The following STK17A variants were observed in gnomAD, a reference collection of about 807,000 sequenced individuals.
The protein encoded by STK17A is serine/threonine kinase 17a, also known as serine/threonine-protein kinase 17A.
Under a neutral mutation model 43.7 loss-of-function variants are expected in STK17A, and 26 were observed. That is an observed-to-expected ratio of 0.60 (90% CI 0.44 to 0.83). STK17A has a LOEUF of 0.83. Among genes scored for constraint, STK17A ranks in the 40% least tolerant of loss-of-function variants. The pLI, the probability that STK17A is intolerant of heterozygous loss-of-function variation, is 0.00. For missense variants in STK17A, 476 were observed against 511.6 expected (o/e 0.93, Z 0.67); for synonymous variants, 191 against 182.5 (o/e 1.05, Z -0.38).
rs760082914 is a variant in STK17A at position 43,608,237 on chromosome 7, T to A, written c.420-19T>A. The A allele has an allele frequency of 1.5e-5, 24 of 1,599,010 alleles. No homozygotes were observed. In the East Asian group the frequency reaches 5.1e-4, roughly 34 times the overall value. The stretch of plus-strand genomic sequence containing the variant: ...ATTTCTTATGAGTTATATATTACTT[T>A]AATTTTGCCCTTCTCTAGTGCTGCT... On this transcript the variant is annotated intron_variant, in intron 2 of 6. Transcript: ENST00000319357.
chr7:43,618,794 T>C (rs1353157423), intron 3 of STK17A, among the ~76,000 whole-genome samples: 1 of 152,140 alleles, frequency 6.6e-6, no homozygotes, highest in African/African-American at 2.4e-5. Flanking sequence ...TTACTGTACA[T>C]GTCCTCACCC....
At position 43,583,127 on chromosome 7, in the gene STK17A, G is replaced by T; in HGVS notation, c.-117G>T. Reference sequence around the variant, plus strand: ...CCTGCCGCAGTCCGAGCGCCGCGCTGGGGAGAGCGGGTGTTTGAAGGCTCC... The same window carrying T: ...CCTGCCGCAGTCCGAGCGCCGCGCTTGGGAGAGCGGGTGTTTGAAGGCTCC... On this transcript the variant is annotated 5_prime_UTR_variant, in exon 1 of 7. Coordinates refer to ENST00000319357, the MANE Select transcript of STK17A (RefSeq NM_004760.3). 9.0e-7 allele frequency: 1 copy of T among 1,117,114 alleles called. No individual in the cohort carries two copies. The highest frequency in any genetic ancestry group is 2.6e-4 in the Middle Eastern group (1 of 3,778). The allele number at this position is 1,117,114 out of a possible 1,614,324, so 69.2% of individuals were successfully genotyped here. A position where few individuals can be genotyped will look rare whatever the true frequency, so the allele number is the denominator to read the frequency against.
At chr7:43,611,982 A>C (rs1408936412) in intron 3 of STK17A, among the ~76,000 whole-genome samples, 1 of 152,214 alleles carries the variant, frequency 6.6e-6, no homozygotes, top group African/African-American at 2.4e-5. Flanking sequence ...TGAGAGCATC[A>C]AAGGTGAATA....
At chr7:43,624,322 CATTTTCACAAA>C (rs1472214968) in intron 6 of STK17A, among the ~76,000 whole-genome samples, 185 bp from the exon 7 acceptor site, 2 of 152,154 alleles carry the variant, frequency 1.3e-5, no homozygotes, top group Non-Finnish European at 2.9e-5. Context: ...AATATTTCAA[CATTTTCACAAA>C]ATTTTCAGCA....
chr7:43,623,922 T>A, intron 6 of STK17A, 34 bp downstream of exon 6: 1 of 1,322,814 alleles, frequency 7.6e-7, no homozygotes, highest in Non-Finnish European at 9.7e-7. Context: ...AATATTGAAC[T>A]AATTCAATAT....
chr7:43,617,621 T>G (rs1439483125), intron 3 of STK17A, among the ~76,000 whole-genome samples: 2 of 152,166 alleles, frequency 1.3e-5, no homozygotes, highest in African/African-American at 2.4e-5. Context: ...AGTCTGTTTT[T>G]GGTCATGTTG....
Position 43,604,577 on chromosome 7 carries a change from C to T in STK17A, c.420-3679C>T, listed in dbSNP as rs115145490. On this transcript the variant is annotated intron_variant, in intron 2 of 6. Transcript: ENST00000319357. ...GACAAGAAGTCTGTGATCATTCTTA[C>T]CTTGGTTCACCTATAAATGTGCCTT... Among the ~76,000 whole-genome samples the T allele has an allele frequency of 5.6e-3, 859 of 152,260 alleles. 8 individuals are homozygous for T. The highest frequency in any genetic ancestry group is 0.02 in the African/African-American group (833 of 41,538).
chr7:43,616,821 T>C (rs2083395083), intron 3 of STK17A, among the ~76,000 whole-genome samples: 1 of 152,040 alleles, frequency 6.6e-6, no homozygotes, highest in Non-Finnish European at 1.5e-5. Context: ...GGCCTGAACC[T>C]GGGAGGTGGA....
chr7:43,584,967 C>CG (rs1270137269), intron 1 of STK17A, among the ~76,000 whole-genome samples: 1 of 152,132 alleles, frequency 6.6e-6, no homozygotes, highest in Non-Finnish European at 1.5e-5. Context: ...GAGGCTGAGG[C>CG]GGGTGGATCA....
chr7:43,616,437 G>A (rs2083350484), intron 3 of STK17A, among the ~76,000 whole-genome samples: 1 of 152,124 alleles, frequency 6.6e-6, no homozygotes, highest in African/African-American at 2.4e-5. Flanking sequence ...ATGTGTGGTA[G>A]GCACTGATCA....
intron 1 of STK17A, among the ~76,000 whole-genome samples, chr7:43,591,384 C>G (rs1173467617): frequency 6.6e-6 from 1 of 151,460 alleles, no homozygotes; most frequent in Non-Finnish European, 1.5e-5. Flanking sequence ...ATTCATTTAC[C>G]TTTCTTGTAT....
rs766467689 is a variant in STK17A at position 43,593,656 on chromosome 7, GTGTT to G, written c.207-2238_207-2235del. ...TTAGTGATGTTGAACATTTTTTAAT[GTGTT>G]TGTTTGCTGCTCTTTTGAAAAAATG... On this transcript the variant is annotated intron_variant, in intron 1 of 6. Transcript: ENST00000319357. 5.3e-5 allele frequency among the ~76,000 whole-genome samples: 8 copies of G among 150,456 alleles called. No individual in the cohort carries two copies. In the South Asian group the frequency reaches 6.3e-4, roughly 12 times the overall value.
intron 1 of STK17A, among the ~76,000 whole-genome samples, chr7:43,595,289 C>CTTTTTTTTTTTTTTT (rs1379359635): frequency 1.3e-5 from 1 of 77,850 alleles, no homozygotes; most frequent in Non-Finnish European, 2.6e-5. Flanking sequence ...TTTTTTTTTC[C>CTTTTTTTTTTTTTTT]CCCCTGGAGA....
chr7:43,615,852 C>G (rs1035095458), intron 3 of STK17A, among the ~76,000 whole-genome samples: 5 of 152,200 alleles, frequency 3.3e-5, no homozygotes, highest in African/African-American at 1.2e-4. Flanking sequence ...CTGTGACTGG[C>G]TCTTTTTTAA....
chr7:43,610,034 G>C (rs2082709301), intron 3 of STK17A, among the ~76,000 whole-genome samples: 1 of 152,244 alleles, frequency 6.6e-6, no homozygotes, highest in South Asian at 2.1e-4. Context: ...CTTCAGGCCA[G>C]GGGCCACTTT....
At chr7:43,598,920 G>A (rs1002055175) in intron 2 of STK17A, among the ~76,000 whole-genome samples, 4 of 151,870 alleles carry the variant, frequency 2.6e-5, no homozygotes, top group Admixed American at 6.6e-5. Flanking sequence ...ACACCACCAC[G>A]CCTGGCTAAT....
At chr7:43,593,227 C>T (rs1331341630) in intron 1 of STK17A, among the ~76,000 whole-genome samples, 1 of 152,170 alleles carries the variant, frequency 6.6e-6, no homozygotes, top group Non-Finnish European at 1.5e-5. Flanking sequence ...TGTTACTGCA[C>T]AAGACATCAT....
At chr7:43,594,574 G>A (rs139553512) in intron 1 of STK17A, among the ~76,000 whole-genome samples, 4 of 152,278 alleles carry the variant, frequency 2.6e-5, no homozygotes, top group African/African-American at 9.6e-5. Flanking sequence ...TTTCTAAGTT[G>A]TCTTTCAACC....
In STK17A at chr7:43,583,359, C is replaced by T. The variant is rs1297515930; in HGVS notation, c.116C>T (p.Ala39Val). 5 of 1,444,382 alleles carry T rather than the reference C, an allele frequency of 3.5e-6. No individual in the cohort carries two copies. Among genetic ancestry groups the T allele is most frequent in the Middle Eastern group, 2.4e-4 (1 of 4,148 alleles). 89.5% of individuals were successfully genotyped at this position (1,444,382 alleles called of 1,614,324 possible). ...GPCRPPPPPQ[A>V]RGLLTEIRAV... ...TGCCGGCCGCCGCCGCCGCCCCAGGCCCGCGGGCTGCTGACAGAGATACGC... is the reference window on the plus strand; with the variant it reads ...TGCCGGCCGCCGCCGCCGCCCCAGGTCCGCGGGCTGCTGACAGAGATACGC... The change falls in exon 1 of 7, where the codon GCC becomes GTC. Residue 39 changes from alanine (A) to valine (V), a missense_variant. Ala to Val is a moderately conservative substitution (Grantham distance 64). Transcript: ENST00000319357.
Sources: gnomAD v4.1 joint callset for allele counts (sites outside exome capture counted in the v4.1 genomes callset) on GRCh38, gnomAD v4.1.1 for gene constraint, MANE v1.5 for transcripts, NCBI Gene and HGNC (gene_info 2026-07-23, HGNC 2026-07-21) for gene names.